IQCB1: variants seen among roughly 807,000 people sequenced by gnomAD.
IQCB1 encodes the protein IQ calmodulin-binding motif-containing protein 1.
A neutral mutation model predicts 84.4 loss-of-function variants in IQCB1; 56 were observed. The observed-to-expected ratio is 0.66, with a 90% CI of 0.54 to 0.83. The LOEUF is 0.83. Ranked by LOEUF, IQCB1 falls within the 40% of genes least tolerant of loss-of-function variation. The probability of loss-of-function intolerance (pLI) is 0.00; values close to 1 mark genes in which losing one functional copy is unlikely to be tolerated. For missense variants in IQCB1, 629 were observed against 682.1 expected, an observed-to-expected ratio of 0.92 and a Z score of 0.87; for synonymous variants, 210 against 234.8, an observed-to-expected ratio of 0.89 and a Z score of 0.96.
chr3:121,824,278 T>C (rs1463849968), intron 5 of IQCB1, among the ~76,000 whole-genome samples: 1 of 152,180 alleles, frequency 6.6e-6, no homozygotes, highest in Non-Finnish European at 1.5e-5. Context: ...AGTGACCAAC[T>C]GGCAGGCAGC....
At chr3:121,821,810 T>C (rs1950285320) in intron 5 of IQCB1, among the ~76,000 whole-genome samples, 2 of 152,234 alleles carry the variant, frequency 1.3e-5, no homozygotes, top group African/African-American at 2.4e-5. Context: ...TAAAATGTAC[T>C]GACTGAAATC....
At chr3:121,797,008 G>T in intron 9 of IQCB1, 110 bp downstream of exon 9, 1 of 736,750 alleles carries the variant, frequency 1.4e-6, no homozygotes. Flanking sequence ...TGTTTTGGGG[G>T]TATTTTGCTT....
chr3:121,773,653 T>A (rs1301746470), intron 13 of IQCB1, among the ~76,000 whole-genome samples: 1 of 152,080 alleles, frequency 6.6e-6, no homozygotes, highest in East Asian at 1.9e-4. Context: ...ACCTTACTTC[T>A]CAGCCACAGG....
Position 121,770,270 on chromosome 3 carries a change from C to G in IQCB1, c.*75G>C. ...AATAATAAGTTAGGATGGCCCTAGT[C>G]TACCAGCATGCCAGAGGCAGAACCA... On this transcript the variant is annotated 3_prime_UTR_variant, in exon 15 of 15. Transcript: ENST00000310864. 1.0e-6 allele frequency: 1 copy of G among 997,670 alleles called. No homozygotes were observed. Among genetic ancestry groups the G allele is most frequent in the South Asian group, 1.3e-5 (1 of 76,204 alleles). 61.8% of individuals were successfully genotyped at this position (997,670 alleles called of 1,614,324 possible).
At chr3:121,815,863 C>G (rs1950030845) in intron 5 of IQCB1, among the ~76,000 whole-genome samples, 1 of 150,010 alleles carries the variant, frequency 6.7e-6, no homozygotes, top group Non-Finnish European at 1.5e-5. Flanking sequence ...AATGCTATTT[C>G]CATCAAACTA....
At chr3:121,808,243 CTCTTTAAA>C (rs1270104791) in intron 6 of IQCB1, among the ~76,000 whole-genome samples, 12 of 151,874 alleles carry the variant, frequency 7.9e-5, no homozygotes, top group Admixed American at 1.3e-4. Context: ...AACTATTTGA[CTCTTTAAA>C]TTATGTGCAT....
intron 13 of IQCB1, among the ~76,000 whole-genome samples, chr3:121,777,704 A>C (rs4676750): frequency 0.64 from 97,902 of 151,996 alleles, 31,994 homozygotes; most frequent in African/African-American, 0.72. Flanking sequence ...ATTTACATTC[A>C]CACCAACAGT....
intron 5 of IQCB1, among the ~76,000 whole-genome samples, chr3:121,824,096 TTAAGTA>T (rs1950369420): frequency 6.6e-6 from 1 of 152,260 alleles, no homozygotes; most frequent in Non-Finnish European, 1.5e-5. Context: ...CAGACTCATT[TTAAGTA>T]TAAGACAGAG....
At chr3:121,812,779 C>T (rs1173801411) in intron 5 of IQCB1, among the ~76,000 whole-genome samples, 1 of 152,102 alleles carries the variant, frequency 6.6e-6, no homozygotes, top group East Asian at 1.9e-4. Flanking sequence ...TGTGAAAAGA[C>T]AAACATACGA....
rs753426941 is a variant in IQCB1 at position 121,781,792 on chromosome 3, C to T, written c.1361G>A (p.Arg454His). The T allele has an allele frequency of 4.3e-6, 7 of 1,613,558 alleles. No homozygotes were observed. Among genetic ancestry groups the T allele is most frequent in the African/African-American group, 1.3e-5 (1 of 74,876 alleles). The change falls in exon 13 of 15, where the codon CGC becomes CAC. Residue 454 changes from arginine (R) to histidine (H), a missense_variant. Arg to His is a conservative substitution (Grantham distance 29, BLOSUM62 0). Transcript: ENST00000310864. Reference sequence around the variant, plus strand: ...CACTCGTTTCTTCAGTTCAACTCGGCGTGCATCAGTGAGTTCTTGGAGTCC... The same window carrying T: ...CACTCGTTTCTTCAGTTCAACTCGGTGTGCATCAGTGAGTTCTTGGAGTCC... The part of the protein sequence containing the change: ...WRGLQELTDA[R>H]RVELKKRVDD...
At chr3:121,781,082 G>GA (rs1948467450) in intron 13 of IQCB1, among the ~76,000 whole-genome samples, 1 of 152,222 alleles carries the variant, frequency 6.6e-6, no homozygotes, top group South Asian at 2.1e-4. Flanking sequence ...TAAGAGAAAA[G>GA]AAAGTAGAGG....
chr3:121,807,520 C>A (rs1949650155), intron 6 of IQCB1, 77 bp from the exon 7 acceptor site: 3 of 794,074 alleles, frequency 3.8e-6, no homozygotes, highest in East Asian at 5.1e-5. Flanking sequence ...TCTTTTCAAA[C>A]CAAATCAAAG....
intron 2 of IQCB1, among the ~76,000 whole-genome samples, chr3:121,829,620 T>C (rs1402011946): frequency 6.6e-6 from 1 of 152,208 alleles, no homozygotes; most frequent in Non-Finnish European, 1.5e-5. Flanking sequence ...CTAGTTGAGC[T>C]TCCTTGGTAG....
chr3:121,787,622 A>G (rs531453057), intron 12 of IQCB1, among the ~76,000 whole-genome samples: 10 of 152,092 alleles, frequency 6.6e-5, no homozygotes, highest in African/African-American at 2.4e-4. Flanking sequence ...GTGGTGGTGC[A>G]TGCCTGTAGT....
chr3:121,786,215 G>GAGAAGAGAA (rs59609336), intron 12 of IQCB1, among the ~76,000 whole-genome samples: 2 of 147,088 alleles, frequency 1.4e-5, no homozygotes, highest in African/African-American at 5.1e-5. Context: ...GAAAAGAAAA[G>GAGAAGAGAA]GATGCTTTAA....
intron 13 of IQCB1, among the ~76,000 whole-genome samples, chr3:121,776,221 G>A (rs1019736026): frequency 2.0e-5 from 3 of 152,034 alleles, no homozygotes; most frequent in Non-Finnish European, 4.4e-5. Flanking sequence ...CACCATGCCC[G>A]GCCAGAGATT....
intron 5 of IQCB1, among the ~76,000 whole-genome samples, chr3:121,811,971 A>C (rs1455597755): frequency 6.6e-6 from 1 of 152,236 alleles, no homozygotes; most frequent in Admixed American, 6.5e-5. Flanking sequence ...TGCCTCCTCA[A>C]GTGGGTCCCT....
intron 14 of IQCB1, among the ~76,000 whole-genome samples, chr3:121,771,247 C>G (rs1305446647): frequency 6.6e-6 from 1 of 151,758 alleles, no homozygotes; most frequent in Non-Finnish European, 1.5e-5. Flanking sequence ...GTTGGGATTA[C>G]AGGCGTGAGC....
intron 13 of IQCB1, among the ~76,000 whole-genome samples, chr3:121,776,191 C>G (rs1463763271): frequency 6.6e-6 from 1 of 152,094 alleles, no homozygotes; most frequent in African/African-American, 2.4e-5. Flanking sequence ...TCTCAAAGTG[C>G]TGGAATTATG....
Sources: allele counts gnomAD v4.1 joint callset (sites outside exome capture counted in the v4.1 genomes callset), GRCh38; gene constraint gnomAD v4.1.1; transcripts MANE v1.5; gene names NCBI Gene and HGNC (gene_info 2026-07-23, HGNC 2026-07-21).